The following ATF7IP variants were observed in gnomAD, a reference collection of about 807,000 sequenced individuals.
ATF7IP encodes the protein activating transcription factor 7-interacting protein 1.
A neutral mutation model predicts 106.4 loss-of-function variants in ATF7IP; 23 were observed. That is an observed-to-expected ratio of 0.22 (90% CI 0.16 to 0.31). The LOEUF is 0.31. Among genes scored for constraint, ATF7IP ranks in the 10% least tolerant of loss-of-function variants. The pLI is 1.00. For missense variants in ATF7IP, 1,334 were observed against 1,524.3 expected (o/e 0.88, Z 2.08); for synonymous variants, 542 against 539.0 (o/e 1.01, Z -0.08).
intron 4 of ATF7IP, among the ~76,000 whole-genome samples, chr12:14,437,738 A>G (rs1428999350): frequency 6.6e-6 from 1 of 152,182 alleles, no homozygotes; most frequent in Non-Finnish European, 1.5e-5. Context: ...TTAGTTTGTC[A>G]TTACTGTCTT....
intron 5 of ATF7IP, among the ~76,000 whole-genome samples, chr12:14,446,090 AATG>A (rs1394501845): frequency 1.3e-5 from 2 of 152,148 alleles, no homozygotes; most frequent in Non-Finnish European, 2.9e-5. Flanking sequence ...AAGTACAACA[AATG>A]ATTAATAATC....
chr12:14,374,654 A>G (rs1938662107), intron 1 of ATF7IP, among the ~76,000 whole-genome samples: 1 of 152,132 alleles, frequency 6.6e-6, no homozygotes, highest in Non-Finnish European at 1.5e-5. Context: ...TAGACAGATA[A>G]TACTAGTAAA....
In ATF7IP at chr12:14,388,970, G is replaced by A. The variant is rs562052078; in HGVS notation, c.-8+23143G>A. Reference sequence around the variant, plus strand: ...TCCATTTTTTGATTTTCGTTTCTTCGTCTATAAAATGGGGGAAATTTCCTA... The same window carrying A: ...TCCATTTTTTGATTTTCGTTTCTTCATCTATAAAATGGGGGAAATTTCCTA... On this transcript the variant is annotated intron_variant, in intron 1 of 14. Transcript: ENST00000261168. 3.9e-5 allele frequency among the ~76,000 whole-genome samples: 6 copies of A among 152,154 alleles called. 1 individual carries two copies. In the South Asian group the frequency reaches 6.2e-4, roughly 16 times the overall value.
At chr12:14,388,539 G>A (rs1253358133) in intron 1 of ATF7IP, among the ~76,000 whole-genome samples, 1 of 151,984 alleles carries the variant, frequency 6.6e-6, no homozygotes, top group African/African-American at 2.4e-5. Context: ...TAGAGATGGG[G>A]TTTCATTATG....
At chr12:14,494,330 T>TATATATATAC in intron 13 of ATF7IP, among the ~76,000 whole-genome samples, 3 of 115,018 alleles carry the variant, frequency 2.6e-5, no homozygotes. Flanking sequence ...TATATATATA[T>TATATATATAC]ATATGTGTGT....
intron 2 of ATF7IP, among the ~76,000 whole-genome samples, chr12:14,427,644 G>T (rs982968450): frequency 2.0e-5 from 3 of 152,146 alleles, no homozygotes; most frequent in African/African-American, 7.2e-5. Flanking sequence ...GATTACAAGC[G>T]TGAGCCACCG....
At position 14,438,161 on chromosome 12, in the gene ATF7IP, G is replaced by A; in HGVS notation, c.1823G>A (p.Cys608Tyr). 6.2e-7 allele frequency: 1 copy of A among 1,613,076 alleles called. No individual in the cohort carries two copies. Among genetic ancestry groups the A allele is most frequent in the Non-Finnish European group, 8.5e-7 (1 of 1,179,876 alleles). The stretch of plus-strand genomic sequence containing the variant: ...CAGTGGTTGCTGGAAGAAAAATTGT[G>A]TGCGCTGCAGTGTGCTGTATTTGAT... ...VIQWLLEEKL[C>Y]ALQCAVFDKT... Residue 608 changes from cysteine to tyrosine, a missense_variant, in exon 5 of 15, where the codon TGT becomes TAT. By Grantham distance (194) the Cys-to-Tyr change is radical (BLOSUM62 -2). This residue lies in a region of ATF7IP where 22 missense variants were observed against 47.4 expected (regional missense o/e 0.46). Transcript: ENST00000261168.
intron 1 of ATF7IP, among the ~76,000 whole-genome samples, chr12:14,366,054 T>A (rs1397639842): frequency 2.0e-5 from 3 of 152,244 alleles, no homozygotes; most frequent in Non-Finnish European, 4.4e-5. Flanking sequence ...ATATTCATTT[T>A]CAAGATCTAA....
rs763070504 is a variant in ATF7IP, at chr12:14,461,055, A to G, written c.2719A>G (p.Ile907Val). ...TAGTCCATCAACTAATCGAGGTCCTATACAGATGAAAATTCCAATTTCTGC... is the reference window on the plus strand; with the variant it reads ...TAGTCCATCAACTAATCGAGGTCCTGTACAGATGAAAATTCCAATTTCTGC... Reference protein sequence around the residue: ...LYSPSTNRGPIQMKIPISAFS... With the variant: ...LYSPSTNRGPVQMKIPISAFS... The change falls in exon 9 of 15, where the codon ATA becomes GTA. Residue 907 changes from isoleucine (I) to valine (V), a missense_variant. Ile to Val is a conservative substitution (Grantham distance 29). Transcript: ENST00000261168. The G allele has an allele frequency of 7.4e-6, 12 of 1,614,030 alleles. No homozygotes were observed. The highest frequency in any genetic ancestry group is 1.7e-5 in the Admixed American group (1 of 59,998).
chr12:14,408,591 A>C (rs567488573), intron 1 of ATF7IP: 1 of 152,286 alleles, frequency 6.6e-6, no homozygotes, highest in Non-Finnish European at 1.5e-5. Flanking sequence ...TGTAGTAAGA[A>C]GCAAAGGTAG....
rs775681477 is a variant in ATF7IP at position 14,496,243 on chromosome 12, G to A, written c.3293G>A (p.Arg1098Gln). 11 of 1,611,550 alleles carry A rather than the reference G, an allele frequency of 6.8e-6. No homozygotes were observed. The highest frequency in any genetic ancestry group is 3.3e-5 in the South Asian group (3 of 90,786). The change falls in exon 14 of 15, where the codon CGA becomes CAA. Residue 1098 changes from arginine to glutamine, a missense_variant. This residue lies in a region of ATF7IP where 370 missense variants were observed against 401.2 expected (regional missense o/e 0.92). Transcript: ENST00000261168. The stretch of plus-strand genomic sequence containing the variant: ...TGTTTGTTTGTAGGTGTTACAGTTC[G>A]AGTGCCTCAAACAACCACATATGTT... ...QVNPQNSVTVRVPQTTTYVVN... is the reference protein window; with the variant it reads ...QVNPQNSVTVQVPQTTTYVVN...
chr12:14,380,004 T>A (rs1392904957), intron 1 of ATF7IP, among the ~76,000 whole-genome samples: 1 of 152,218 alleles, frequency 6.6e-6, no homozygotes, highest in Non-Finnish European at 1.5e-5. Context: ...TGTGTGTGTG[T>A]GATTCCAATT....
chr12:14,400,429 A>T (rs1940128099), intron 1 of ATF7IP, among the ~76,000 whole-genome samples: 1 of 150,226 alleles, frequency 6.7e-6, no homozygotes, highest in Non-Finnish European at 1.5e-5. Context: ...TTACTGAGGT[A>T]AGGAGAAGAT....
chr12:14,469,031 T>G (rs773738174), intron 10 of ATF7IP, among the ~76,000 whole-genome samples: 2 of 152,168 alleles, frequency 1.3e-5, no homozygotes, highest in African/African-American at 4.8e-5. Flanking sequence ...CAAGCCTACT[T>G]AGTTGTACTT....
intron 10 of ATF7IP, among the ~76,000 whole-genome samples, chr12:14,468,476 AT>A (rs1395362105): frequency 9.9e-6 from 1 of 101,262 alleles, no homozygotes; most frequent in Non-Finnish European, 2.0e-5. Context: ...CTCCGTCTCT[AT>A]AAAAAAGAAG....
intron 1 of ATF7IP, among the ~76,000 whole-genome samples, chr12:14,378,244 C>A (rs1384617929): frequency 6.6e-6 from 1 of 152,010 alleles, no homozygotes; most frequent in Non-Finnish European, 1.5e-5. Flanking sequence ...ATTACAGGCA[C>A]ATGCCACCAC....
At chr12:14,466,257 C>A in intron 9 of ATF7IP, 1 of 310,878 alleles carries the variant, frequency 3.2e-6, no homozygotes. Flanking sequence ...TTATGTGTAT[C>A]TTAAATTATT....
chr12:14,408,125 C>CACAA (rs1555113745), intron 1 of ATF7IP, among the ~76,000 whole-genome samples: 1 of 151,354 alleles, frequency 6.6e-6, no homozygotes, highest in Non-Finnish European at 1.5e-5. Context: ...TGCACACACA[C>CACAA]ACACACACAC....
intron 1 of ATF7IP, among the ~76,000 whole-genome samples, chr12:14,406,400 G>A (rs573540656): frequency 2.6e-5 from 4 of 152,016 alleles, no homozygotes; most frequent in African/African-American, 4.8e-5. Context: ...CGCCTGGCCT[G>A]TAGTGCTTTA....
Sources: gnomAD v4.1 joint callset for allele counts (sites outside exome capture counted in the v4.1 genomes callset) on GRCh38, gnomAD v4.1.1 for gene constraint, gnomAD v4.1.1 regional missense constraint, MANE v1.5 for transcripts, NCBI Gene and HGNC (gene_info 2026-07-23, HGNC 2026-07-21) for gene names.